The following DAB1 variants were observed in gnomAD, a reference collection of about 807,000 sequenced individuals.
DAB1 encodes DAB adaptor protein 1.
DAB1 carries 15 observed loss-of-function variants against 64.6 expected under a neutral mutation model. The ratio of observed to expected loss-of-function variants is 0.23; its 90% CI spans 0.16 to 0.36. The LOEUF is 0.36. DAB1 is among the 10% of genes least tolerant of loss of function. The probability of loss-of-function intolerance (pLI) is 1.00; values close to 1 mark genes in which losing one functional copy is unlikely to be tolerated. For missense variants in DAB1, 596 were observed against 706.7 expected, an observed-to-expected ratio of 0.84 and a Z score of 1.78; for synonymous variants, 235 against 251.9, an observed-to-expected ratio of 0.93 and a Z score of 0.64.
intron 5 of DAB1, among the ~76,000 whole-genome samples, chr1:58,087,920 T>C (rs1650418087): frequency 6.6e-6 from 1 of 152,228 alleles, no homozygotes; most frequent in Admixed American, 6.5e-5. Flanking sequence ...AGAACATAAA[T>C]ATGAATTAAG....
At chr1:57,052,860 A>G (rs886726387) in intron 9 of DAB1, among the ~76,000 whole-genome samples, 7 of 152,218 alleles carry the variant, frequency 4.6e-5, no homozygotes, top group Non-Finnish European at 8.8e-5. Flanking sequence ...AAATCAGCTC[A>G]GATTATCTGA....
chr1:57,165,990 A>T (rs1037353039), intron 2 of DAB1, among the ~76,000 whole-genome samples: 1 of 152,230 alleles, frequency 6.6e-6, no homozygotes, highest in African/African-American at 2.4e-5. Flanking sequence ...GCAGCATTTC[A>T]GTGGAGGACT....
At chr1:57,428,307 C>T (rs190296972), upstream of DAB1, among the ~76,000 whole-genome samples, 203 of 152,268 alleles carry the variant, frequency 1.3e-3, 1 homozygote, top group Non-Finnish European at 2.6e-3. Flanking sequence ...TAACCAAAAT[C>T]CCCCCATTTT....
intron 4 of DAB1, among the ~76,000 whole-genome samples, chr1:58,241,019 C>T (rs1017431256): frequency 6.6e-6 from 1 of 152,110 alleles, no homozygotes; most frequent in African/African-American, 2.4e-5. Context: ...TAAATCCACA[C>T]ATAAAGATAT....
At chr1:57,442,917 T>C (rs572963559) in intron 7 of DAB1, among the ~76,000 whole-genome samples, 1 of 152,348 alleles carries the variant, frequency 6.6e-6, no homozygotes, top group African/African-American at 2.4e-5. Context: ...GAAGGAAGGT[T>C]GGATAATGTG....
chr1:57,155,863 T>C (rs1660171639), intron 2 of DAB1, among the ~76,000 whole-genome samples: 1 of 152,150 alleles, frequency 6.6e-6, no homozygotes, highest in African/African-American at 2.4e-5. Flanking sequence ...GATTTTTGCA[T>C]GTTGATTTTG....
chr1:57,398,726 C>T (rs1211019430), intron 1 of DAB1, among the ~76,000 whole-genome samples: 2 of 152,234 alleles, frequency 1.3e-5, no homozygotes, highest in African/African-American at 4.8e-5. Context: ...TTTCATAACT[C>T]CCCAAACGTC....
chr1:57,350,890 G>C (rs761472673), intron 1 of DAB1, among the ~76,000 whole-genome samples: 6 of 152,126 alleles, frequency 3.9e-5, no homozygotes, highest in Non-Finnish European at 8.8e-5. Context: ...GAATTTACCA[G>C]AGATATACTG....
Position 57,759,010 on chromosome 1 carries a change from T to A in DAB1, n.552-109345A>T, listed in dbSNP as rs533589637. On this transcript the variant is annotated intron_variant and non_coding_transcript_variant, in intron 6 of 20. Coordinates refer to the DAB1 transcript ENST00000485760. ...TCAGCTCTTTAGCTACATTATCAAT[T>A]TTAAACAGTTGATTCCTAATCATTG... 2.0e-5 allele frequency among the ~76,000 whole-genome samples: 3 copies of A among 152,348 alleles called. No individual in the cohort carries two copies. The South Asian group carries it at 6.2e-4, about 32-fold the overall frequency.
chr1:58,184,270 A>T (rs1656954373), intron 4 of DAB1, among the ~76,000 whole-genome samples: 1 of 148,870 alleles, frequency 6.7e-6, no homozygotes, highest in Non-Finnish European at 1.5e-5. Context: ...TAAAGATTTT[A>T]AAAATATATA....
intron 4 of DAB1, among the ~76,000 whole-genome samples, chr1:58,306,909 G>T (rs1662321689): frequency 6.6e-6 from 1 of 152,150 alleles, no homozygotes; most frequent in African/African-American, 2.4e-5. Flanking sequence ...CTTGTCGAGG[G>T]ACATAAATCC....
At chr1:57,973,077 G>C (rs1645837145) in intron 5 of DAB1, among the ~76,000 whole-genome samples, 1 of 152,218 alleles carries the variant, frequency 6.6e-6, no homozygotes, top group African/African-American at 2.4e-5. Context: ...GGACTAGTAT[G>C]AGTTATCCAT....
chr1:58,045,038 T>TA (rs1647209148), intron 5 of DAB1, among the ~76,000 whole-genome samples: 2 of 152,206 alleles, frequency 1.3e-5, no homozygotes, highest in African/African-American at 2.4e-5. Context: ...GGCTTACAGA[T>TA]GAAAACATAC....
At chr1:58,294,755 G>A (rs762779436) in intron 4 of DAB1, among the ~76,000 whole-genome samples, 3 of 152,082 alleles carry the variant, frequency 2.0e-5, no homozygotes, top group Non-Finnish European at 4.4e-5. Context: ...ATGGGACTTG[G>A]TAGCTGCACA....
intron 3 of DAB1, among the ~76,000 whole-genome samples, chr1:58,365,210 T>C (rs2100529483): frequency 6.6e-6 from 1 of 152,348 alleles, no homozygotes. Context: ...TTTTGTCTTC[T>C]GGAGAAAGCA....
chr1:57,484,802 TGA>T (rs751788721), intron 7 of DAB1, among the ~76,000 whole-genome samples: 10 of 150,980 alleles, frequency 6.6e-5, no homozygotes, highest in Non-Finnish European at 1.2e-4. Flanking sequence ...TATTTGAGAA[TGA>T]GAGAGAGAGA....
At chr1:57,857,192 G>T (rs1024873315) in intron 1 of DAB1, among the ~76,000 whole-genome samples, 5 of 152,248 alleles carry the variant, frequency 3.3e-5, no homozygotes, top group South Asian at 4.1e-4. Flanking sequence ...GAAATAATGT[G>T]AGAGAAACAA....
chr1:58,379,083 A>C (rs113590808), intron 3 of DAB1, among the ~76,000 whole-genome samples: 2,089 of 151,038 alleles, frequency 0.014, 40 homozygotes, highest in African/African-American at 0.048. Flanking sequence ...ACTGTCTGGC[A>C]CTCCCTAGTG....
At chr1:58,179,068 T>A (rs1231400708) in intron 4 of DAB1, among the ~76,000 whole-genome samples, 1 of 152,078 alleles carries the variant, frequency 6.6e-6, no homozygotes, top group Non-Finnish European at 1.5e-5. Flanking sequence ...TCAAATACTT[T>A]TTTGGCATGT....
Sources: allele counts gnomAD v4.1 joint callset (sites outside exome capture counted in the v4.1 genomes callset), GRCh38; gene constraint gnomAD v4.1.1; transcripts MANE v1.5; gene names NCBI Gene and HGNC (gene_info 2026-07-23, HGNC 2026-07-21).